ZNF592: variants seen among roughly 807,000 people sequenced by gnomAD.
The protein encoded by ZNF592 is spinocerebellar ataxia, autosomal recessive 5.
In ZNF592, 11 loss-of-function variants were observed where a neutral mutation model predicts 80.3. That is an observed-to-expected ratio of 0.14 (90% CI 0.09 to 0.23). ZNF592 has a LOEUF of 0.23. Among genes scored for constraint, ZNF592 ranks in the 10% least tolerant of loss-of-function variants. The probability of loss-of-function intolerance (pLI) is 1.00; values close to 1 mark genes in which losing one functional copy is unlikely to be tolerated. For missense variants in ZNF592, 1,420 were observed against 1,633.9 expected, an observed-to-expected ratio of 0.87 and a Z score of 2.26; for synonymous variants, 646 against 640.3, an observed-to-expected ratio of 1.01 and a Z score of -0.13.
rs778722027 is a variant in ZNF592 at position 84,783,796 on chromosome 15, A to G, written c.1121A>G (p.Lys374Arg). ...VAASSPPAIPKVRIKTIKTSS... is the reference protein window; with the variant it reads ...VAASSPPAIPRVRIKTIKTSS... ...GCCAGCTCCCCACCAGCAATTCCCA[A>G]AGTGAGAATCAAAACCATTAAGACA... The change falls in exon 4 of 11, where the codon AAA (lysine) becomes AGA (arginine). Residue 374 changes from lysine to arginine, a missense_variant. Physicochemically the swap from Lys to Arg is conservative, Grantham distance 26. Coordinates refer to ENST00000560079, the MANE Select transcript of ZNF592 (RefSeq NM_014630.3). This position sits in a 1 kb window ranked among gnomAD's most constrained non-coding sequence, Gnocchi z 5.0. 1.2e-6 allele frequency: 2 copies of G among 1,614,186 alleles called. No homozygotes were observed. Among genetic ancestry groups the G allele is most frequent in the Non-Finnish European group, 1.7e-6 (2 of 1,180,016 alleles).
Position 84,784,500 on chromosome 15 carries a change from C to T in ZNF592, c.1825C>T (p.Arg609Trp). The change falls in exon 4 of 11, where the codon CGG becomes TGG. Residue 609 changes from arginine (R) to tryptophan (W), a missense_variant. Transcript: ENST00000560079. This position sits in a 1 kb window ranked among gnomAD's most constrained non-coding sequence, Gnocchi z 5.8. ...GAGCCTGAGCCAGCACTATGGCCGG[C>T]GGAGCGTCCACATTGAGGTACTGTG... Reference protein sequence around the residue: ...EKSLSQHYGRRSVHIEVLCTL... With the variant: ...EKSLSQHYGRWSVHIEVLCTL... 2 of 1,614,186 alleles carry T rather than the reference C, an allele frequency of 1.2e-6. No homozygotes were observed. The highest frequency in any genetic ancestry group is 1.7e-6 in the Non-Finnish European group (2 of 1,180,030).
rs1416863560 is a variant in ZNF592, at chr15:84,800,033, G to A, written c.3273+56G>A. 1.9e-6 allele frequency: 3 copies of A among 1,613,112 alleles called. No homozygotes were observed. The African/African-American group carries it at 4.0e-5, about 22-fold the overall frequency. On this transcript the variant is annotated intron_variant, in intron 10 of 10. Transcript: ENST00000560079. ...GGCTGCTCAGTGAGGCTTGGAGCTG[G>A]AAGGGCATTAGGAAGGCTACTGTTG...
chr15:84,806,239 C>T lies in ZNF592; in HGVS notation c.*3846C>T, dbSNP rs971102601. 2 of 152,210 alleles carry T rather than the reference C, an allele frequency of 1.3e-5. No individual in the cohort carries two copies. The highest frequency in any genetic ancestry group is 4.8e-5 in the African/African-American group (2 of 41,460). 9.4% of individuals were successfully genotyped at this position (152,210 alleles called of 1,614,324 possible). A position where few individuals can be genotyped will look rare whatever the true frequency, so the allele number is the denominator to read the frequency against. ...TGACTAAGGGGTTCAGGATACTGTT[C>T]ACCTTCTCCAACAGATGCCACCGGA... On this transcript the variant is annotated 3_prime_UTR_variant, in exon 11 of 11. Coordinates refer to ENST00000560079, the MANE Select transcript of ZNF592 (RefSeq NM_014630.3).
chr15:84,771,827 T>C (rs1372415274), intron 2 of ZNF592, among the ~76,000 whole-genome samples: 1 of 152,154 alleles, frequency 6.6e-6, no homozygotes, highest in Non-Finnish European at 1.5e-5. Flanking sequence ...TGGAGTGATA[T>C]AGACCTATAA....
Position 84,790,810 on chromosome 15 carries a change from C to T in ZNF592, c.2326C>T (p.Leu776Phe). Residue 776 changes from leucine to phenylalanine, a missense_variant, in exon 5 of 11, where the codon CTC (leucine) becomes TTC (phenylalanine). Coordinates refer to ENST00000560079, the MANE Select transcript of ZNF592 (RefSeq NM_014630.3). ...CTACTGCTGCCCGGAGTGTGGGGTC[C>T]TCTGCCGCTCTGCCTACTTCCAGAC... Reference protein sequence around the residue: ...SPYCCPECGVLCRSAYFQTHV... With the variant: ...SPYCCPECGVFCRSAYFQTHV... 6.2e-7 allele frequency: 1 copy of T among 1,614,232 alleles called. No individual in the cohort carries two copies. The highest frequency in any genetic ancestry group is 8.5e-7 in the Non-Finnish European group (1 of 1,180,040).
At chr15:84,794,562 G>A (rs1046663022) in intron 5 of ZNF592, among the ~76,000 whole-genome samples, 3 of 151,548 alleles carry the variant, frequency 2.0e-5, no homozygotes, top group South Asian at 4.2e-4. Flanking sequence ...TGCAACCTCC[G>A]CCACCCCGGG....
rs1281145619 is a variant in ZNF592 at position 84,748,677 on chromosome 15, C to G, written c.-259+13C>G. Reference sequence around the variant, plus strand: ...CCGCCGCCGCCAGGTAAGCGCCCCCCGCGGGCCGGGCCGAGCGGGGCCTGC... The same window carrying G: ...CCGCCGCCGCCAGGTAAGCGCCCCCGGCGGGCCGGGCCGAGCGGGGCCTGC... On this transcript the variant is annotated intron_variant, in intron 1 of 10. Coordinates refer to ENST00000560079, the MANE Select transcript of ZNF592 (RefSeq NM_014630.3). The G allele has an allele frequency of 1.4e-5, 2 of 147,986 alleles. No homozygotes were observed. Among genetic ancestry groups the G allele is most frequent in the Admixed American group, 1.3e-4 (2 of 14,818 alleles). The allele number at this position is 147,986 out of a possible 1,614,324, so 9.2% of individuals were successfully genotyped here.
chr15:84,787,551 T>C (rs1169157618), intron 4 of ZNF592, among the ~76,000 whole-genome samples: 1 of 152,116 alleles, frequency 6.6e-6, no homozygotes, highest in Non-Finnish European at 1.5e-5. Flanking sequence ...ACAGCATCGG[T>C]TTGGGATTTC....
At position 84,784,270 on chromosome 15, in the gene ZNF592, A is replaced by C. The variant is rs1488351440; in HGVS notation, c.1595A>C (p.Gln532Pro). ...TCAGTGCAAAGACGGAGCCAGCCAC[A>C]GCTTACACAAATGTCGGTGCCCCTG... ...KSSVQRRSQP[Q>P]LTQMSVPLVH... is the part of the protein sequence containing the mutation. The change falls in exon 4 of 11, where the codon CAG (glutamine) becomes CCG (proline). Residue 532 changes from glutamine to proline, a missense_variant. Transcript: ENST00000560079. This position sits in a 1 kb window ranked among gnomAD's most constrained non-coding sequence, Gnocchi z 5.8. The C allele has an allele frequency of 6.2e-7, 1 of 1,614,244 alleles. No individual in the cohort carries two copies.
At position 84,784,451 on chromosome 15, in the gene ZNF592, T is replaced by C; in HGVS notation, c.1776T>C (p.Cys592=). The C allele has an allele frequency of 1.2e-6, 2 of 1,614,172 alleles. No individual in the cohort carries two copies. The highest frequency in any genetic ancestry group is 2.2e-5 in the South Asian group (2 of 91,090). ...VPASGYCCLE[C]GDAFALEKSL... Reference sequence around the variant, plus strand: ...CCAGTGGGTACTGCTGCCTGGAGTGTGGAGACGCATTTGCCTTAGAGAAGA... The same window carrying C: ...CCAGTGGGTACTGCTGCCTGGAGTGCGGAGACGCATTTGCCTTAGAGAAGA... Residue 592 remains cysteine (C), a synonymous_variant, in exon 4 of 11, where the codon TGT becomes TGC. Transcript: ENST00000560079. This position sits in a 1 kb window ranked among gnomAD's most constrained non-coding sequence, Gnocchi z 5.8.
At chr15:84,767,315 C>T (rs1360585551) in intron 2 of ZNF592, among the ~76,000 whole-genome samples, 2 of 152,126 alleles carry the variant, frequency 1.3e-5, no homozygotes, top group African/African-American at 2.4e-5. Flanking sequence ...TGTGAGCCAC[C>T]GTACCCGGCC....
At chr15:84,749,060 C>G (rs1596099830) in intron 1 of ZNF592, among the ~76,000 whole-genome samples, 1 of 152,172 alleles carries the variant, frequency 6.6e-6, no homozygotes, top group African/African-American at 2.4e-5. Context: ...GCCTGTCAGC[C>G]CGACCGTCCC....
chr15:84,764,071 C>G (rs2141966978), intron 1 of ZNF592, among the ~76,000 whole-genome samples: 1 of 152,324 alleles, frequency 6.6e-6, no homozygotes, highest in South Asian at 2.1e-4. Context: ...CTATCTGCCC[C>G]CGCCATGATT....
intron 4 of ZNF592, among the ~76,000 whole-genome samples, chr15:84,785,096 A>T (rs1962552894): frequency 6.6e-6 from 1 of 152,206 alleles, no homozygotes; most frequent in Non-Finnish European, 1.5e-5. Context: ...ACCCTAATTT[A>T]GCAAGTGTAT....
chr15:84,766,648 A>G (rs1294753911), intron 2 of ZNF592, among the ~76,000 whole-genome samples: 2 of 151,552 alleles, frequency 1.3e-5, no homozygotes, highest in Non-Finnish European at 2.9e-5. Flanking sequence ...GGGGAAGAGA[A>G]GAGAGGGAGA....
chr15:84,774,965 G>A (rs1016043867), intron 2 of ZNF592, among the ~76,000 whole-genome samples: 1 of 152,034 alleles, frequency 6.6e-6, no homozygotes, highest in African/African-American at 2.4e-5. Context: ...ATTTTTAGTA[G>A]GGACAGGGTT....
At chr15:84,759,399 T>G (rs1437419383) in intron 1 of ZNF592, among the ~76,000 whole-genome samples, 3 of 152,004 alleles carry the variant, frequency 2.0e-5, no homozygotes, top group Admixed American at 6.6e-5. Flanking sequence ...AGAGAGGTGG[T>G]GGCCATGAAG....
At chr15:84,754,908 A>G (rs1266682064) in intron 1 of ZNF592, among the ~76,000 whole-genome samples, 2 of 150,494 alleles carry the variant, frequency 1.3e-5, no homozygotes, top group African/African-American at 4.9e-5. Context: ...GGGGGACTGC[A>G]TGACTTTAAC....
At chr15:84,775,624 G>A (rs1193158873) in intron 2 of ZNF592, among the ~76,000 whole-genome samples, 1 of 151,856 alleles carries the variant, frequency 6.6e-6, no homozygotes, top group African/African-American at 2.4e-5. Flanking sequence ...GTAGAGATGA[G>A]GTTTTGCTAT....
Sources: allele counts gnomAD v4.1 joint callset (sites outside exome capture counted in the v4.1 genomes callset), GRCh38; gene constraint gnomAD v4.1.1; non-coding constraint Gnocchi (gnomAD v3.1); transcripts MANE v1.5; gene names NCBI Gene and HGNC (gene_info 2026-07-23, HGNC 2026-07-21).